FAM149A: variants seen among roughly 807,000 people sequenced by gnomAD.
FAM149A encodes the protein protein FAM149A.
In FAM149A, 71 loss-of-function variants were observed where a neutral mutation model predicts 78.2. The ratio of observed to expected loss-of-function variants is 0.91; its 90% CI spans 0.75 to 1.11. The LOEUF (loss-of-function observed/expected upper bound fraction) is 1.11. Ranked by LOEUF, FAM149A falls within the 50% of genes least tolerant of loss-of-function variation. FAM149A has a pLI of 0.00. For synonymous variants in FAM149A, 446 were observed against 410.5 expected (o/e 1.09, Z -1.04); for missense variants, 1,036 against 971.0 (o/e 1.07, Z -0.89).
In FAM149A at chr4:186,149,200, G is replaced by C; in HGVS notation, c.594G>C (p.Arg198Ser). 7.8e-7 allele frequency: 1 copy of C among 1,288,696 alleles called. No individual in the cohort carries two copies. The highest frequency in any genetic ancestry group is 1.2e-5 in the South Asian group (1 of 80,726). 79.8% of individuals were successfully genotyped at this position (1,288,696 alleles called of 1,614,324 possible). The change falls in exon 2 of 14, where the codon AGG becomes AGC. Residue 198 changes from arginine to serine, a missense_variant. Transcript: ENST00000389354. ...GAGGACTGTCAGAAGGACGTAGAAG[G>C]CACGGTTTTACTGTGAGGAGCAAAG...
At chr4:186,116,429 T>G (rs2099313741) in intron 1 of FAM149A, 1 of 982,554 alleles carries the variant, frequency 1.0e-6, no homozygotes, top group Non-Finnish European at 1.2e-6. Context: ...TCATGACCGT[T>G]ACTTTCTATT....
At chr4:186,169,369 T>C (rs2126554407) in intron 13 of FAM149A, 20 of 985,442 alleles carry the variant, frequency 2.0e-5, no homozygotes, top group Non-Finnish European at 2.4e-5. Flanking sequence ...CCTGTGATGT[T>C]GGTGCAATGA....
chr4:186,156,841 G>C (rs938462972), intron 7 of FAM149A, among the ~76,000 whole-genome samples: 2 of 152,212 alleles, frequency 1.3e-5, no homozygotes, highest in South Asian at 4.2e-4. Context: ...CAGGCATGGT[G>C]GCACATGCCT....
chr4:186,115,446 G>A (rs1375455904), intron 1 of FAM149A, among the ~76,000 whole-genome samples: 5 of 143,206 alleles, frequency 3.5e-5, no homozygotes, highest in African/African-American at 5.1e-5. Flanking sequence ...GAGGAACTGC[G>A]TTCCTTTGGA....
intron 1 of FAM149A, chr4:186,125,760 A>C (rs1190767156): frequency 1.0e-6 from 1 of 985,230 alleles, no homozygotes; most frequent in Non-Finnish European, 1.2e-6. Flanking sequence ...GAGAAGGCAA[A>C]GAACAGAGAG....
rs1203354625 is a variant in FAM149A at position 186,173,761 on chromosome 4, G to T, written c.*1774G>T. 1.1e-4 allele frequency among the ~76,000 whole-genome samples: 12 copies of T among 112,984 alleles called. 2 individuals carry two copies. Among genetic ancestry groups the T allele is most frequent in the African/African-American group, 3.3e-4 (12 of 36,080 alleles). 74.1% of individuals were successfully genotyped at this position (112,984 alleles called of 152,430 possible). A position where few individuals can be genotyped will look rare whatever the true frequency, so the allele number is the denominator to read the frequency against. On this transcript the variant is annotated 3_prime_UTR_variant, in exon 14 of 14. Transcript: ENST00000389354. ...CTCTTTTCCGTGGTCACAGCTCCATGTGTCCGGGGAAGATTGCTAATGCTT... is the reference window on the plus strand; with the variant it reads ...CTCTTTTCCGTGGTCACAGCTCCATTTGTCCGGGGAAGATTGCTAATGCTT...
In FAM149A at chr4:186,173,306, G is replaced by A. The variant is rs1735629461; in HGVS notation, c.*1319G>A. The stretch of plus-strand genomic sequence containing the variant: ...GGTGACAAAAATGACCCAGAGCCTT[G>A]CCTCTGTTTGAAAATTTCTCCTTGA... On this transcript the variant is annotated 3_prime_UTR_variant, in exon 14 of 14. Transcript: ENST00000389354. Among the ~76,000 whole-genome samples, 2 of 111,718 alleles carry A rather than the reference G, an allele frequency of 1.8e-5. 1 individual carries two copies. Among genetic ancestry groups the A allele is most frequent in the African/African-American group, 5.6e-5 (2 of 35,664 alleles). 73.3% of individuals were successfully genotyped at this position (111,718 alleles called of 152,430 possible).
chr4:186,145,730 T>C (rs1732984160), intron 1 of FAM149A, among the ~76,000 whole-genome samples: 1 of 152,208 alleles, frequency 6.6e-6, no homozygotes, highest in South Asian at 2.1e-4. Flanking sequence ...ACAGCCTTGC[T>C]CTATTTAAAC....
At chr4:186,157,497 G>A (rs1734137761) in intron 7 of FAM149A, 68 bp from the exon 8 acceptor site, 6 of 1,502,860 alleles carry the variant, frequency 4.0e-6, no homozygotes, top group Non-Finnish European at 5.5e-6. Context: ...TCTTTCAAGA[G>A]TGAATTTTAA....
Position 186,105,585 on chromosome 4 carries a change from C to T in FAM149A, c.509C>T (p.Thr170Met), listed in dbSNP as rs568591648. 3 of 1,064,770 alleles carry T rather than the reference C, an allele frequency of 2.8e-6. No individual in the cohort carries two copies. The highest frequency in any genetic ancestry group is 3.4e-6 in the Non-Finnish European group (3 of 874,944). The allele number at this position is 1,064,770 out of a possible 1,614,324, so 66.0% of individuals were successfully genotyped here. The change falls in exon 1 of 14, where the codon ACG (threonine) becomes ATG (methionine). Residue 170 changes from threonine to methionine, a missense_variant. This residue lies in a region of FAM149A where 316 missense variants were observed against 241.9 expected (regional missense o/e 1.31). Coordinates refer to ENST00000389354, the MANE Select transcript of FAM149A (RefSeq NM_001367768.3). ...GCTGGCCCCAGAACCCTGTTCCTTA[C>T]GCTGCCTGACATCGGCGAGGAGGGG...
intron 13 of FAM149A, chr4:186,170,767 G>A (rs1157616676): frequency 6.6e-6 from 1 of 152,276 alleles, no homozygotes; most frequent in Non-Finnish European, 1.5e-5. Context: ...TCCCAGCACT[G>A]TCTGACCTTC....
At chr4:186,159,103 A>G (rs1297752386) in intron 8 of FAM149A, among the ~76,000 whole-genome samples, 1 of 152,160 alleles carries the variant, frequency 6.6e-6, no homozygotes, top group African/African-American at 2.4e-5. Context: ...CACCAAAGTG[A>G]TAAAAGAACC....
At chr4:186,132,102 A>C (rs1259112999) in intron 1 of FAM149A, 1 of 985,384 alleles carries the variant, frequency 1.0e-6, no homozygotes, top group Non-Finnish European at 1.2e-6. Flanking sequence ...TCATTTCCAC[A>C]GCAGAGGCTT....
chr4:186,124,417 C>T (rs911355123), intron 1 of FAM149A, among the ~76,000 whole-genome samples: 3 of 151,628 alleles, frequency 2.0e-5, no homozygotes, highest in East Asian at 3.9e-4. Context: ...CCCCGCTCCC[C>T]CCCACCCCAC....
chr4:186,111,939 A>G (rs1215815575), intron 1 of FAM149A, among the ~76,000 whole-genome samples: 287 of 151,662 alleles, frequency 1.9e-3, no homozygotes, highest in African/African-American at 6.6e-3. Context: ...GAAGAAAGTC[A>G]TTGGTAGCTT....
At position 186,163,447 on chromosome 4, in the gene FAM149A, C is replaced by G. The variant is rs762001214; in HGVS notation, c.1703C>G (p.Ser568Trp). 4.3e-6 allele frequency: 7 copies of G among 1,613,716 alleles called. No individual in the cohort carries two copies. The highest frequency in any genetic ancestry group is 5.9e-6 in the Non-Finnish European group (7 of 1,179,990). ...AGGAATGAGAAGGAGGACAAAGCAT[C>G]GGGTGGAGGGGCAGGTGCTCTCTCC... Residue 568 changes from serine (S) to tryptophan (W), a missense_variant, in exon 10 of 14, where the codon TCG becomes TGG. Around this residue, in one of 3 missense-constraint regions of FAM149A, gnomAD observed 716 missense variants for 711.8 expected, o/e 1.01. Coordinates refer to ENST00000389354, the MANE Select transcript of FAM149A (RefSeq NM_001367768.3).
rs1313522816 is a variant in FAM149A, at chr4:186,173,695, A to G, written c.*1708A>G. 3.8e-4 allele frequency among the ~76,000 whole-genome samples: 42 copies of G among 109,730 alleles called. 10 individuals are homozygous for G. The highest frequency in any genetic ancestry group is 1.1e-3 in the African/African-American group (40 of 35,018). The allele number at this position is 109,730 out of a possible 152,430, so 72.0% of individuals were successfully genotyped here. On this transcript the variant is annotated 3_prime_UTR_variant, in exon 14 of 14. Coordinates refer to ENST00000389354, the MANE Select transcript of FAM149A (RefSeq NM_001367768.3). ...TCTATAGCAATGAGACACATTAGGC[A>G]GCAGCAGCAGCAGCAGCAGCAGCGA...
chr4:186,172,238 ATG>A lies in FAM149A; in HGVS notation c.*257_*258del, dbSNP rs1276722873. 2 of 419,494 alleles carry A rather than the reference ATG, an allele frequency of 4.8e-6. No individual in the cohort carries two copies. The highest frequency in any genetic ancestry group is 5.8e-4 in the Middle Eastern group (1 of 1,714). The allele number at this position is 419,494 out of a possible 1,614,324, so 26.0% of individuals were successfully genotyped here. ...TGTAGGCTTTGTTCAGAAGCCCCTG[ATG>A]TGTGTTTGCAGTCCGTCATTTTATC... On this transcript the variant is annotated 3_prime_UTR_variant, in exon 14 of 14. Coordinates refer to ENST00000389354, the MANE Select transcript of FAM149A (RefSeq NM_001367768.3).
intron 1 of FAM149A, among the ~76,000 whole-genome samples, chr4:186,137,004 C>CTCTT (rs2099323570): frequency 1.5e-5 from 2 of 135,062 alleles, no homozygotes; most frequent in African/African-American, 5.7e-5. Flanking sequence ...CTCTCTCTCT[C>CTCTT]TCTCTCTCTC....
Sources: gnomAD v4.1 joint callset for allele counts (sites outside exome capture counted in the v4.1 genomes callset) on GRCh38, gnomAD v4.1.1 for gene constraint, gnomAD v4.1.1 regional missense constraint, MANE v1.5 for transcripts, NCBI Gene and HGNC (gene_info 2026-07-23, HGNC 2026-07-21) for gene names.